Variants in COL18A1 observed in about 807,000 individuals in gnomAD.
COL18A1 encodes collagen type XVIII alpha 1 chain.
COL18A1 carries 133 observed loss-of-function variants against 168.0 expected under a neutral mutation model. That is an observed-to-expected ratio of 0.79 (90% CI 0.69 to 0.91). The LOEUF (loss-of-function observed/expected upper bound fraction) is 0.91. Among genes scored for constraint, COL18A1 ranks in the 40% least tolerant of loss-of-function variants. The pLI, the probability that COL18A1 is intolerant of heterozygous loss-of-function variation, is 0.00. For synonymous variants in COL18A1, 949 were observed against 809.0 expected (o/e 1.17, Z -2.94); for missense variants, 2,126 against 1,925.4 (o/e 1.10, Z -1.95).
chr21:45,456,965 A>G, intron 2 of COL18A1: 1 of 1,139,150 alleles, frequency 8.8e-7, no homozygotes, highest in Non-Finnish European at 1.2e-6. Flanking sequence ...AGCCTGGTAC[A>G]GGTTCCCCCC....
chr21:45,500,163 GTA>G (rs2036694439), intron 32 of COL18A1, among the ~76,000 whole-genome samples: 1 of 147,828 alleles, frequency 6.8e-6, no homozygotes, highest in Admixed American at 6.8e-5. Flanking sequence ...ATGTGGGTGT[GTA>G]GTGTGGGGGT....
chr21:45,449,907 G>T (rs1009310792), intron 2 of COL18A1, among the ~76,000 whole-genome samples: 1 of 152,206 alleles, frequency 6.6e-6, no homozygotes, highest in East Asian at 1.9e-4. Context: ...CTTTATCATC[G>T]TGGTTTGAAA....
In COL18A1 at chr21:45,498,551, C is replaced by G. The variant is rs1164557267; in HGVS notation, c.2683+890C>G. 9.8e-6 allele frequency: 7 copies of G among 716,974 alleles called. No homozygotes were observed. Among genetic ancestry groups the G allele is most frequent in the Non-Finnish European group, 1.8e-5 (7 of 385,030 alleles). 44.4% of individuals were successfully genotyped at this position (716,974 alleles called of 1,614,324 possible). The stretch of plus-strand genomic sequence containing the variant: ...CATACCTGCTCTTGCTGGGGCTGCA[C>G]TCTGGGGTGGGAAGGGACCAGGCAG... On this transcript the variant is annotated intron_variant, in intron 32 of 41. Transcript: ENST00000651438. The surrounding 1 kb of genome is among the most constrained non-coding windows in gnomAD (Gnocchi z 4.5).
chr21:45,494,813 T>G lies in COL18A1; in HGVS notation c.2380-49T>G, dbSNP rs1296501404. The G allele has an allele frequency of 3.9e-6, 6 of 1,558,074 alleles. No homozygotes were observed. The Admixed American group carries it at 1.1e-4, about 28-fold the overall frequency. On this transcript the variant is annotated intron_variant, in intron 27 of 41. Transcript: ENST00000651438. ...TTCCCCAGGACCCCCCAACTCGTGG[T>G]CAAGGGCCAGGGTCTGCCCCACTAA...
Position 45,512,628 on chromosome 21 carries a change from C to A in COL18A1, c.*230C>A. On this transcript the variant is annotated 3_prime_UTR_variant, in exon 42 of 42. Coordinates refer to ENST00000651438, the MANE Select transcript of COL18A1 (RefSeq NM_001379500.1). ...GACATTCACCTGCCCCAACTCTCCC[C>A]TGACCTGTGAGCCCAGCTGGGTCAG... 1.7e-6 allele frequency: 1 copy of A among 589,470 alleles called. No homozygotes were observed. The highest frequency in any genetic ancestry group is 2.9e-5 in the Admixed American group (1 of 33,946). The allele number at this position is 589,470 out of a possible 1,614,324, so 36.5% of individuals were successfully genotyped here.
In COL18A1 at chr21:45,493,060, G is replaced by A. The variant is rs2036410554; in HGVS notation, c.2215-103G>A. The A allele has an allele frequency of 4.1e-6, 5 of 1,222,930 alleles. 1 individual carries two copies. The Admixed American group carries it at 5.9e-5, about 15-fold the overall frequency. The allele number at this position is 1,222,930 out of a possible 1,614,324, so 75.8% of individuals were successfully genotyped here. A position where few individuals can be genotyped will look rare whatever the true frequency, so the allele number is the denominator to read the frequency against. On this transcript the variant is annotated intron_variant, in intron 24 of 41. Transcript: ENST00000651438. The stretch of plus-strand genomic sequence containing the variant: ...CGAGGGGCCCTGGTCGGGCTGTCGA[G>A]GCAGGCATATTGCGGGGGGCAGCTG...
intron 2 of COL18A1, among the ~76,000 whole-genome samples, chr21:45,464,580 G>A (rs546307973): frequency 1.2e-3 from 185 of 152,184 alleles, no homozygotes; most frequent in Non-Finnish European, 2.1e-3. Flanking sequence ...TTTCAGTTTT[G>A]GAGGTCAGAG....
At chr21:45,416,366 C>T (rs1183399624) in intron 2 of COL18A1, among the ~76,000 whole-genome samples, 2 of 151,854 alleles carry the variant, frequency 1.3e-5, no homozygotes, top group East Asian at 1.9e-4. Flanking sequence ...TGGGGGTGGC[C>T]GGGGCACAGT....
intron 29 of COL18A1, chr21:45,495,781 A>G: frequency 2.8e-6 from 1 of 357,492 alleles, no homozygotes; most frequent in South Asian, 2.3e-5. Flanking sequence ...ACATAGGTGC[A>G]CATATACACA....
intron 8 of COL18A1, 82 bp downstream of exon 8, chr21:45,478,047 T>C: frequency 1.2e-6 from 1 of 813,114 alleles, no homozygotes; most frequent in Non-Finnish European, 2.0e-6. Context: ...GCGGCCGACA[T>C]GGGAGTGAGC....
chr21:45,419,043 C>T (rs2033540126), intron 2 of COL18A1, among the ~76,000 whole-genome samples: 1 of 152,260 alleles, frequency 6.6e-6, no homozygotes, highest in Non-Finnish European at 1.5e-5. Flanking sequence ...ACGCGAGGAC[C>T]AGGGTCCCCA....
At chr21:45,450,640 G>C (rs1382106009) in intron 2 of COL18A1, among the ~76,000 whole-genome samples, 1 of 152,238 alleles carries the variant, frequency 6.6e-6, no homozygotes, top group Non-Finnish European at 1.5e-5. Flanking sequence ...GCTCGGGGCA[G>C]GGCGGAGACA....
rs774434788 is a variant in COL18A1, at chr21:45,510,131, A to T, written c.3563A>T (p.Gln1188Leu). The change falls in exon 40 of 42, where the codon CAG becomes CTG. Residue 1188 changes from glutamine (Q) to leucine (L), a missense_variant. Gln to Leu is a moderately radical substitution (Grantham distance 113). Transcript: ENST00000651438. The stretch of plus-strand genomic sequence containing the variant: ...CGGGGCATCCGCGGGGCCGACTTCC[A>T]GTGCTTCCAGCAGGCGCGGGCCGTG... Reference protein sequence around the residue: ...GMRGIRGADFQCFQQARAVGL... With the variant: ...GMRGIRGADFLCFQQARAVGL... 1 of 1,600,692 alleles carries T rather than the reference A, an allele frequency of 6.2e-7. No individual in the cohort carries two copies. Among genetic ancestry groups the T allele is most frequent in the South Asian group, 1.1e-5 (1 of 89,320 alleles).
intron 2 of COL18A1, chr21:45,456,969 T>G: frequency 9.3e-7 from 1 of 1,080,804 alleles, no homozygotes; most frequent in Non-Finnish European, 1.2e-6. Flanking sequence ...TGGTACAGGT[T>G]CCCCCCACAT....
chr21:45,478,696 C>G (rs1029544043), intron 9 of COL18A1, among the ~76,000 whole-genome samples: 4 of 151,986 alleles, frequency 2.6e-5, no homozygotes, highest in African/African-American at 9.7e-5. Context: ...GAGGGAAGCA[C>G]GGGGCGACCT....
chr21:45,437,337 G>C (rs199999438), intron 2 of COL18A1, among the ~76,000 whole-genome samples: 108 of 11,756 alleles, frequency 9.2e-3, no homozygotes, highest in Admixed American at 0.016. Context: ...CACACACTCA[G>C]ACACACAGGC....
In COL18A1 at chr21:45,494,531, G is replaced by GT. The variant is rs923635924; in HGVS notation, c.2353-7dup. 11 of 1,613,284 alleles carry GT rather than the reference G, an allele frequency of 6.8e-6. No individual in the cohort carries two copies. Among genetic ancestry groups the GT allele is most frequent in the African/African-American group, 4.0e-5 (3 of 74,944 alleles). ...AGCTGCCACCTAACCCTGTCTTCTTGTTTTTTTGCTCAGGGAGAGCCGGGC... is the reference window on the plus strand; with the variant it reads ...AGCTGCCACCTAACCCTGTCTTCTTGTTTTTTTTGCTCAGGGAGAGCCGGGC... On this transcript the variant is annotated splice_polypyrimidine_tract_variant and intron_variant, in intron 26 of 41. Coordinates refer to ENST00000651438, the MANE Select transcript of COL18A1 (RefSeq NM_001379500.1).
At chr21:45,510,373 GACACTGGCGCCT>G in intron 40 of COL18A1, 112 bp downstream of exon 40, 3 of 1,243,440 alleles carry the variant, frequency 2.4e-6, no homozygotes, top group Non-Finnish European at 3.4e-6. Flanking sequence ...CCATGTTACA[GACACTGGCGCCT>G]AGGCTGGCGA....
Position 45,480,525 on chromosome 21 carries a change from G to A in COL18A1, c.1452+5G>A. ...GGCGATCTGGAGGCCCTGCGGGTGA[G>A]TGGCCCTTAAACTGCAGCGCTGCCC... On this transcript the variant is annotated splice_donor_5th_base_variant and intron_variant, in intron 12 of 41. Transcript: ENST00000651438. 8 of 1,614,086 alleles carry A rather than the reference G, an allele frequency of 5.0e-6. No homozygotes were observed. The highest frequency in any genetic ancestry group is 6.8e-6 in the Non-Finnish European group (8 of 1,180,012).
Sources: allele counts gnomAD v4.1 joint callset (sites outside exome capture counted in the v4.1 genomes callset), GRCh38; gene constraint gnomAD v4.1.1; non-coding constraint Gnocchi (gnomAD v3.1); transcripts MANE v1.5; gene names NCBI Gene and HGNC (gene_info 2026-07-23, HGNC 2026-07-21).